CCDC192: variants seen among roughly 807,000 people sequenced by gnomAD.
The protein encoded by CCDC192 is coiled-coil domain-containing protein 192.
At position 127,797,089 on chromosome 5, in the gene CCDC192, G is replaced by C. The variant is rs541712955; in HGVS notation, c.223-14G>C. The C allele has an allele frequency of 2.5e-6, 1 of 397,028 alleles. No individual in the cohort carries two copies. The highest frequency in any genetic ancestry group is 1.3e-4 in the South Asian group (1 of 7,812). 24.6% of individuals were successfully genotyped at this position (397,028 alleles called of 1,614,324 possible). Reference sequence around the variant, plus strand: ...CACTGTACTTACATACTCTTATAAAGAAAATATCTTTAGCTTTCAGTCTCT... The same window carrying C: ...CACTGTACTTACATACTCTTATAAACAAAATATCTTTAGCTTTCAGTCTCT... On this transcript the variant is annotated splice_polypyrimidine_tract_variant and intron_variant, in intron 3 of 6. Transcript: ENST00000514853.
intron 6 of CCDC192, among the ~76,000 whole-genome samples, chr5:127,896,529 G>T (rs1218793426): frequency 6.6e-6 from 1 of 151,956 alleles, no homozygotes; most frequent in African/African-American, 2.4e-5. Context: ...TGCCTCCCGG[G>T]TTCAAGGGAT....
intron 3 of CCDC192, among the ~76,000 whole-genome samples, chr5:127,778,573 T>C (rs1756007166): frequency 6.6e-6 from 1 of 152,184 alleles, no homozygotes; most frequent in Admixed American, 6.5e-5. Context: ...GCTATAGTTT[T>C]CCTGTACTAT....
chr5:127,787,234 G>T (rs2126946443), intron 3 of CCDC192, among the ~76,000 whole-genome samples: 1 of 152,248 alleles, frequency 6.6e-6, no homozygotes, highest in South Asian at 2.1e-4. Context: ...AGGCTCCCCT[G>T]ATGCCTCCAC....
chr5:127,869,260 G>C (rs1040965753), intron 5 of CCDC192, among the ~76,000 whole-genome samples: 10 of 152,146 alleles, frequency 6.6e-5, no homozygotes, highest in African/African-American at 2.4e-4. Context: ...GGAGGTGGAG[G>C]TTGCAGCGAG....
At chr5:127,753,677 A>G (rs958083967) in intron 2 of CCDC192, among the ~76,000 whole-genome samples, 1 of 150,440 alleles carries the variant, frequency 6.6e-6, no homozygotes, top group Admixed American at 6.7e-5. Context: ...ACAAGAGCAA[A>G]ACTCTGCCTG....
chr5:127,793,650 A>C (rs1008499477), intron 3 of CCDC192, among the ~76,000 whole-genome samples: 2 of 152,224 alleles, frequency 1.3e-5, no homozygotes, highest in African/African-American at 2.4e-5. Flanking sequence ...CTTTACAATG[A>C]AGATAACAAA....
chr5:127,777,204 C>T (rs1755920030), intron 3 of CCDC192, among the ~76,000 whole-genome samples: 1 of 152,236 alleles, frequency 6.6e-6, no homozygotes, highest in Non-Finnish European at 1.5e-5. Context: ...CAAAGCTACC[C>T]AAGACCATGG....
At chr5:127,782,342 G>C (rs1756276907) in intron 3 of CCDC192, among the ~76,000 whole-genome samples, 1 of 152,136 alleles carries the variant, frequency 6.6e-6, no homozygotes, top group East Asian at 1.9e-4. Flanking sequence ...GGATGACTTA[G>C]GGAGGGTTTC....
At chr5:127,888,213 C>T (rs574060934) in intron 6 of CCDC192, among the ~76,000 whole-genome samples, 8 of 151,936 alleles carry the variant, frequency 5.3e-5, no homozygotes, top group South Asian at 2.1e-4. Context: ...GTCAGGGGTT[C>T]GAAACCAGCC....
chr5:127,907,005 T>C lies in CCDC192; in HGVS notation c.535+31344T>C, dbSNP rs527994772. On this transcript the variant is annotated intron_variant, in intron 6 of 6. Transcript: ENST00000514853. ...TACATGTTTGCTAACAATTGATATT[T>C]TGAGGGTTCTTTGGTTTTTGTTTTT... Among the ~76,000 whole-genome samples the C allele has an allele frequency of 1.1e-4, 17 of 152,360 alleles. 1 individual carries two copies. The South Asian group carries it at 3.3e-3, about 30-fold the overall frequency.
At chr5:127,814,956 T>A (rs910505083) in intron 5 of CCDC192, among the ~76,000 whole-genome samples, 12 of 152,222 alleles carry the variant, frequency 7.9e-5, no homozygotes, top group African/African-American at 2.4e-4. Context: ...GGGTTTTTTT[T>A]ATTTTTATTT....
chr5:127,722,456 T>C (rs1376549455), intron 2 of CCDC192, among the ~76,000 whole-genome samples: 1 of 152,226 alleles, frequency 6.6e-6, no homozygotes, highest in East Asian at 1.9e-4. Context: ...AGAAGCTTTT[T>C]AATGTCATGT....
upstream of CCDC192, among the ~76,000 whole-genome samples, chr5:127,702,235 G>A (rs1750737231): frequency 6.6e-6 from 1 of 152,024 alleles, no homozygotes; most frequent in South Asian, 2.1e-4. Context: ...TGGGACTACA[G>A]GCGCCCACCA....
intron 6 of CCDC192, among the ~76,000 whole-genome samples, chr5:127,909,001 AT>A (rs1170730308): frequency 6.6e-6 from 1 of 152,240 alleles, no homozygotes. Context: ...TATAGTGTAT[AT>A]CAAGAACTCA....
At chr5:127,908,125 C>T (rs555793936) in intron 6 of CCDC192, among the ~76,000 whole-genome samples, 18 of 152,302 alleles carry the variant, frequency 1.2e-4, no homozygotes, top group African/African-American at 2.9e-4. Flanking sequence ...TCTAATGTCT[C>T]GTCTTATACA....
intron 5 of CCDC192, among the ~76,000 whole-genome samples, chr5:127,800,788 C>T (rs1381428499): frequency 1.3e-5 from 2 of 152,126 alleles, no homozygotes; most frequent in Non-Finnish European, 2.9e-5. Flanking sequence ...AAAATCCTAC[C>T]TCTCTCTGCC....
At chr5:127,786,470 G>T (rs575283329) in intron 3 of CCDC192, 35 of 628,570 alleles carry the variant, frequency 5.6e-5, no homozygotes, top group Non-Finnish European at 8.6e-5. Flanking sequence ...TGTATTGATG[G>T]TTTCACCATT....
At chr5:127,844,463 A>C (rs1364877927) in intron 5 of CCDC192, among the ~76,000 whole-genome samples, 2 of 152,204 alleles carry the variant, frequency 1.3e-5, no homozygotes, top group African/African-American at 4.8e-5. Context: ...AGTAGAATAG[A>C]GCCCGAGTTC....
In CCDC192 at chr5:127,708,636, T is replaced by TAGCCA. The variant is rs199680158; in HGVS notation, c.114+879_114+883dup. 5.8e-3 allele frequency among the ~76,000 whole-genome samples: 890 copies of TAGCCA among 152,280 alleles called. 36 individuals are homozygous for TAGCCA. The highest frequency in any genetic ancestry group is 0.051 in the Admixed American group (772 of 15,284). On this transcript the variant is annotated intron_variant, in intron 2 of 6. Coordinates refer to ENST00000514853, the MANE Select transcript of CCDC192 (RefSeq NM_001317938.2). ...TTGCCATCTCCAACCTTTGTGATGA[T>TAGCCA]AGCCAAGTCATTTAAACTCTCCGAG...
Sources: allele counts gnomAD v4.1 joint callset (sites outside exome capture counted in the v4.1 genomes callset), GRCh38; gene constraint gnomAD v4.1.1; transcripts MANE v1.5; gene names NCBI Gene and HGNC (gene_info 2026-07-23, HGNC 2026-07-21).